Variants in TMEM37 observed in about 807,000 individuals in gnomAD.
The protein encoded by TMEM37 is transmembrane protein 37, also known as voltage-dependent calcium channel gamma-like subunit.
A neutral mutation model predicts 11.0 loss-of-function variants in TMEM37; 12 were observed. The observed-to-expected ratio is 1.09, with a 90% CI of 0.70 to 1.76. The LOEUF is 1.76. Ranked by LOEUF, TMEM37 falls within the 40% of genes most tolerant of loss-of-function variation. TMEM37 has a pLI of 0.00. For missense variants in TMEM37, 203 were observed against 251.2 expected (o/e 0.81, Z 1.30); for synonymous variants, 127 against 110.5 (o/e 1.15, Z -0.94).
Position 119,431,933 on chromosome 2 carries a change from C to T in TMEM37, c.21+9C>T. 1.6e-6 allele frequency: 2 copies of T among 1,224,446 alleles called. No homozygotes were observed. The highest frequency in any genetic ancestry group is 2.0e-6 in the Non-Finnish European group (2 of 982,992). The allele number at this position is 1,224,446 out of a possible 1,614,324, so 75.8% of individuals were successfully genotyped here. A position where few individuals can be genotyped will look rare whatever the true frequency, so the allele number is the denominator to read the frequency against. ...CTGCCGTCGGCGTGCAGGTAGCCGG[C>T]GCCTGGCGGGGCGCTGACCCGGGGT... On this transcript the variant is annotated intron_variant, in intron 1 of 1. Coordinates refer to ENST00000306406, the MANE Select transcript of TMEM37 (RefSeq NM_183240.3).
chr2:119,436,985 C>T lies in TMEM37; in HGVS notation c.118C>T (p.Leu40=), dbSNP rs376923601. Reference sequence around the variant, plus strand: ...CACGTGTGTGGCCCTGGCTGTGGTCCTGTCCTCGGTCTCCATTTGTGATGG... The same window carrying T: ...CACGTGTGTGGCCCTGGCTGTGGTCTTGTCCTCGGTCTCCATTTGTGATGG... ...IITCVALAVV[L]SSVSICDGHW... is the part of the protein sequence containing the mutation. The change falls in exon 2 of 2, where the codon CTG becomes TTG. Residue 40 remains leucine, a synonymous_variant. Transcript: ENST00000306406. 8.7e-6 allele frequency: 14 copies of T among 1,614,150 alleles called. No individual in the cohort carries two copies. The African/African-American group carries it at 1.5e-4, about 17-fold the overall frequency.
upstream of TMEM37, chr2:119,430,060 G>C: frequency 8.2e-7 from 1 of 1,220,672 alleles, no homozygotes; most frequent in South Asian, 1.3e-5. Flanking sequence ...GGATACCCCC[G>C]CAACAGGACA....
chr2:119,432,711 C>T (rs1486375324), intron 1 of TMEM37, among the ~76,000 whole-genome samples: 1 of 152,172 alleles, frequency 6.6e-6, no homozygotes, highest in Non-Finnish European at 1.5e-5. Context: ...TTAGAGAGGC[C>T]CGTTGACTTC....
chr2:119,432,128 C>T (rs1486534135), intron 1 of TMEM37: 2 of 378,612 alleles, frequency 5.3e-6, no homozygotes, highest in Non-Finnish European at 9.3e-6. Flanking sequence ...CTGCCTGCCT[C>T]ACATAGCTGC....
intron 1 of TMEM37, among the ~76,000 whole-genome samples, chr2:119,433,720 A>G (rs1209612872): frequency 6.6e-6 from 1 of 152,110 alleles, no homozygotes; most frequent in Non-Finnish European, 1.5e-5. Flanking sequence ...GATTTAAGTG[A>G]TTGCCTAAAG....
upstream of TMEM37, among the ~76,000 whole-genome samples, chr2:119,431,064 G>T (rs1256358911): frequency 1.3e-5 from 2 of 152,044 alleles, no homozygotes; most frequent in East Asian, 3.9e-4. Flanking sequence ...GCTTGAACGG[G>T]TTTGAACCCA....
upstream of TMEM37, chr2:119,431,814 C>G: frequency 9.1e-7 from 1 of 1,104,072 alleles, no homozygotes; most frequent in Non-Finnish European, 1.1e-6. Flanking sequence ...GCAGCCGCCC[C>G]GCCCCTGCGG....
chr2:119,436,905 G>A lies in TMEM37; in HGVS notation c.38G>A (p.Gly13Asp), dbSNP rs1003225742. 1.9e-6 allele frequency: 3 copies of A among 1,613,514 alleles called. No homozygotes were observed. Among genetic ancestry groups the A allele is most frequent in the African/African-American group, 1.3e-5 (1 of 75,042 alleles). ...AVGVQAQRPLGQRQPRRSFFE... is the reference protein window; with the variant it reads ...AVGVQAQRPLDQRQPRRSFFE... The stretch of plus-strand genomic sequence containing the variant: ...TTTTTCCAGGCCCAGAGGCCTTTGG[G>A]CCAAAGGCAGCCCCGCCGGTCCTTC... Residue 13 changes from glycine (G) to aspartate (D), a missense_variant, in exon 2 of 2, where the codon GGC becomes GAC. Physicochemically the swap from Gly to Asp is moderately conservative, Grantham distance 94 (BLOSUM62 -1). Coordinates refer to ENST00000306406, the MANE Select transcript of TMEM37 (RefSeq NM_183240.3).
At chr2:119,435,967 G>T (rs1050302114) in intron 1 of TMEM37, among the ~76,000 whole-genome samples, 1 of 152,208 alleles carries the variant, frequency 6.6e-6, no homozygotes, top group Non-Finnish European at 1.5e-5. Context: ...ATGGGGAGAG[G>T]GGAGTGTGCT....
chr2:119,431,950 AC>A, intron 1 of TMEM37, 26 bp downstream of exon 1: 1 of 1,213,596 alleles, frequency 8.2e-7, no homozygotes, highest in Non-Finnish European at 1.0e-6. Flanking sequence ...CGGGGCGCTG[AC>A]CCGGGGTGCT....
rs377617801 is a variant in TMEM37, at chr2:119,437,084, T to C, written c.217T>C (p.Phe73Leu). Residue 73 changes from phenylalanine (F) to leucine (L), a missense_variant, in exon 2 of 2, where the codon TTC becomes CTC. Coordinates refer to ENST00000306406, the MANE Select transcript of TMEM37 (RefSeq NM_183240.3). ...CACCACCACCAACCAGACGATCTGC[T>C]TCAGAGACCTGGGCCAGGCCCATGT... The part of the protein sequence containing the change: ...FCTTTNQTIC[F>L]RDLGQAHVPG... 3.8e-6 allele frequency: 5 copies of C among 1,310,230 alleles called. No individual in the cohort carries two copies. In the African/African-American group the frequency reaches 7.9e-5, roughly 21 times the overall value. The allele number at this position is 1,310,230 out of a possible 1,614,324, so 81.2% of individuals were successfully genotyped here.
At position 119,431,883 on chromosome 2, in the gene TMEM37, A is replaced by G. The variant is rs1682403174; in HGVS notation, c.-21A>G. 3 of 1,226,270 alleles carry G rather than the reference A, an allele frequency of 2.4e-6. No homozygotes were observed. The highest frequency in any genetic ancestry group is 3.0e-6 in the Non-Finnish European group (3 of 984,544). The allele number at this position is 1,226,270 out of a possible 1,614,324, so 76.0% of individuals were successfully genotyped here. The stretch of plus-strand genomic sequence containing the variant: ...GAGCAGCTGGAGCGATCGAGGCTGC[A>G]GCGCGGCCGCCGGGCGCAGCATGAC... On this transcript the variant is annotated 5_prime_UTR_variant, in exon 1 of 2. Transcript: ENST00000306406.
upstream of TMEM37, among the ~76,000 whole-genome samples, chr2:119,431,217 A>C (rs1353937172): frequency 6.6e-6 from 1 of 152,010 alleles, no homozygotes; most frequent in African/African-American, 2.4e-5. Context: ...TGTTTGGCAT[A>C]TTTGCATTTT....
At chr2:119,432,040 T>C in intron 1 of TMEM37, 116 bp downstream of exon 1, 1 of 704,328 alleles carries the variant, frequency 1.4e-6, no homozygotes, top group South Asian at 7.4e-5. Flanking sequence ...GGGCTGGGGG[T>C]GCGAGCGCCC....
rs1293196349 is a variant in TMEM37 at position 119,437,281 on chromosome 2, C to T, written c.414C>T (p.Ser138=). ...SILLLVSFVL[S]SGGLLGFVIL... is the part of the protein sequence containing the mutation. ...TCCTCCTGGTGTCTTTCGTCCTCTC[C>T]TCCGGCGGGCTCCTGGGTTTTGTGA... The change falls in exon 2 of 2, where the codon TCC becomes TCT. Residue 138 remains serine (S), a synonymous_variant. Coordinates refer to ENST00000306406, the MANE Select transcript of TMEM37 (RefSeq NM_183240.3). The T allele has an allele frequency of 1.2e-6, 2 of 1,614,226 alleles. No homozygotes were observed. The highest frequency in any genetic ancestry group is 1.7e-6 in the Non-Finnish European group (2 of 1,180,040).
chr2:119,430,859 G>A (rs1442140838), upstream of TMEM37, among the ~76,000 whole-genome samples: 4 of 152,134 alleles, frequency 2.6e-5, no homozygotes, highest in Admixed American at 2.0e-4. Flanking sequence ...AGATCCGGCC[G>A]GATGCGGTGG....
chr2:119,433,825 C>T (rs1250109573), intron 1 of TMEM37, among the ~76,000 whole-genome samples: 3 of 152,100 alleles, frequency 2.0e-5, no homozygotes, highest in Non-Finnish European at 4.4e-5. Context: ...CTCCAGTAGC[C>T]GTTTCAGGCC....
intron 1 of TMEM37, among the ~76,000 whole-genome samples, chr2:119,434,748 C>T (rs912935208): frequency 6.6e-6 from 1 of 152,162 alleles, no homozygotes. Context: ...TCCCTCTGCA[C>T]GCACCTTTTC....
At chr2:119,432,755 T>C (rs914817769) in intron 1 of TMEM37, among the ~76,000 whole-genome samples, 2 of 152,292 alleles carry the variant, frequency 1.3e-5, no homozygotes, top group Middle Eastern at 3.4e-3. Flanking sequence ...ACTGACCTAG[T>C]AGACACCGTT....
Sources: gnomAD v4.1 joint callset for allele counts (sites outside exome capture counted in the v4.1 genomes callset) on GRCh38, gnomAD v4.1.1 for gene constraint, MANE v1.5 for transcripts, NCBI Gene and HGNC (gene_info 2026-07-23, HGNC 2026-07-21) for gene names.